Variants in SERPINB7 observed in about 807,000 individuals in gnomAD.
SERPINB7 encodes the protein serpin B7.
Under a neutral mutation model 37.4 loss-of-function variants are expected in SERPINB7, and 31 were observed. The ratio of observed to expected loss-of-function variants is 0.83; its 90% CI spans 0.62 to 1.12. SERPINB7 has a LOEUF of 1.12. SERPINB7 is among the 50% of genes most tolerant of loss of function. The pLI is 0.00. For synonymous variants in SERPINB7, 163 were observed against 166.1 expected (o/e 0.98, Z 0.14); for missense variants, 521 against 455.3 (o/e 1.14, Z -1.31).
intron 1 of SERPINB7, among the ~76,000 whole-genome samples, chr18:63,768,751 T>C (rs1214012304): frequency 6.6e-6 from 1 of 152,024 alleles, no homozygotes; most frequent in African/African-American, 2.4e-5. Flanking sequence ...CCACCATCAA[T>C]TCATAGAATG....
At chr18:63,784,869 T>C (rs995234363) in intron 2 of SERPINB7, among the ~76,000 whole-genome samples, 2 of 152,252 alleles carry the variant, frequency 1.3e-5, no homozygotes, top group African/African-American at 4.8e-5. Context: ...TTACCTACTG[T>C]GTGCTTTCAT....
intron 1 of SERPINB7, among the ~76,000 whole-genome samples, chr18:63,758,323 T>G (rs1330502482): frequency 1.3e-5 from 2 of 152,168 alleles, no homozygotes; most frequent in Admixed American, 1.3e-4. Context: ...ACAGATATCT[T>G]TTTCCTCAGA....
At chr18:63,788,228 G>T (rs184194383) in intron 2 of SERPINB7, among the ~76,000 whole-genome samples, 2 of 152,204 alleles carry the variant, frequency 1.3e-5, no homozygotes, top group African/African-American at 4.8e-5. Flanking sequence ...GGTGCCATGC[G>T]TGGTAATGCT....
At chr18:63,802,238 AAC>A (rs1335283563) in intron 7 of SERPINB7, among the ~76,000 whole-genome samples, 1 of 152,190 alleles carries the variant, frequency 6.6e-6, no homozygotes, top group Non-Finnish European at 1.5e-5. Context: ...GAAATGGACC[AAC>A]ACAGTGCAAT....
At chr18:63,786,210 G>GTATATA (rs143561199) in intron 2 of SERPINB7, among the ~76,000 whole-genome samples, 2,154 of 64,258 alleles carry the variant, frequency 0.034, 238 homozygotes, top group African/African-American at 0.11. Context: ...GCACATACGT[G>GTATATA]TATATATATA....
Position 63,801,618 on chromosome 18 carries a change from G to A in SERPINB7, c.744+606G>A, listed in dbSNP as rs556605951. Reference sequence around the variant, plus strand: ...GTTTTCAAGGATAGTTTGGTGGGCAGCGGTCTAGGGAATGAGCACTGTTGA... The same window carrying A: ...GTTTTCAAGGATAGTTTGGTGGGCAACGGTCTAGGGAATGAGCACTGTTGA... On this transcript the variant is annotated intron_variant, in intron 7 of 7. Transcript: ENST00000398019. Among the ~76,000 whole-genome samples the A allele has an allele frequency of 2.0e-5, 3 of 152,256 alleles. No individual in the cohort carries two copies. In the South Asian group the frequency reaches 6.2e-4, roughly 32 times the overall value.
chr18:63,791,570 C>T (rs1167670908), intron 2 of SERPINB7, among the ~76,000 whole-genome samples: 1 of 152,104 alleles, frequency 6.6e-6, no homozygotes, highest in Non-Finnish European at 1.5e-5. Flanking sequence ...CAGAAAGAGG[C>T]TTATTCATTC....
chr18:63,783,232 G>GAAAGAAAGAA (rs1555694190), intron 2 of SERPINB7, among the ~76,000 whole-genome samples: 44 of 40,704 alleles, frequency 1.1e-3, no homozygotes, highest in Admixed American at 1.5e-3. Flanking sequence ...GAGAGAGAGA[G>GAAAGAAAGAA]AGAAAGAAAG....
At chr18:63,760,508 A>G (rs12523355) in intron 1 of SERPINB7, among the ~76,000 whole-genome samples, 1 of 152,208 alleles carries the variant, frequency 6.6e-6, no homozygotes, top group African/African-American at 2.4e-5. Flanking sequence ...CATAAGTAGC[A>G]AGGAGCCTAA....
At chr18:63,778,413 T>C (rs116722669) in intron 1 of SERPINB7, among the ~76,000 whole-genome samples, 3,544 of 152,246 alleles carry the variant, frequency 0.023, 49 homozygotes, top group South Asian at 0.05. Context: ...TTCTTTCCTA[T>C]ATGTATATCC....
intron 1 of SERPINB7, among the ~76,000 whole-genome samples, chr18:63,761,925 C>G (rs533590533): frequency 6.6e-6 from 1 of 152,162 alleles, no homozygotes; most frequent in South Asian, 2.1e-4. Context: ...GCTGGGGCCA[C>G]CTCTCTGTCT....
chr18:63,784,373 CA>C (rs2144616590), intron 2 of SERPINB7, among the ~76,000 whole-genome samples: 1 of 152,244 alleles, frequency 6.6e-6, no homozygotes, highest in African/African-American at 2.4e-5. Flanking sequence ...TCATGACAAC[CA>C]AAAACATTTC....
In SERPINB7 at chr18:63,796,235, G is replaced by A. The variant is rs2144637728; in HGVS notation, c.337-31G>A. ...TTATATACTTAGTTGGTGATGATTT[G>A]TAAATACGAGAACTATATTCTTCTT... On this transcript the variant is annotated intron_variant, in intron 4 of 7. Transcript: ENST00000398019. 5 of 1,251,106 alleles carry A rather than the reference G, an allele frequency of 4.0e-6. 1 individual carries two copies. The highest frequency in any genetic ancestry group is 3.8e-5 in the South Asian group (3 of 78,738). The allele number at this position is 1,251,106 out of a possible 1,614,324, so 77.5% of individuals were successfully genotyped here.
rs567942704 is a variant in SERPINB7 at position 63,755,098 on chromosome 18, G to A, written c.-19+1978G>A. 9.4e-4 allele frequency among the ~76,000 whole-genome samples: 143 copies of A among 151,892 alleles called. 1 individual carries two copies. The highest frequency in any genetic ancestry group is 3.4e-3 in the African/African-American group (140 of 41,480). On this transcript the variant is annotated intron_variant, in intron 1 of 7. Transcript: ENST00000336429. The stretch of plus-strand genomic sequence containing the variant: ...GTATTTTTTTTTTAGTAGAGACGGG[G>A]TTTCACCTTGTTAGCCAGGATGGTC...
In SERPINB7 at chr18:63,804,320, T is replaced by C. The variant is rs1409248055; in HGVS notation, c.828T>C (p.Phe276=). 6.2e-7 allele frequency: 1 copy of C among 1,612,674 alleles called. No individual in the cohort carries two copies. The highest frequency in any genetic ancestry group is 8.5e-7 in the Non-Finnish European group (1 of 1,179,172). ...CCTCTAAGTATGTTGAGGTATTTTT[T>C]CCTCAGTTCAAGATAGAGAAGAATT... ...RMTSKYVEVF[F]PQFKIEKNYE... The change falls in exon 8 of 8, where the codon TTT becomes TTC. Residue 276 remains phenylalanine (F), a synonymous_variant. Coordinates refer to ENST00000398019, the MANE Select transcript of SERPINB7 (RefSeq NM_003784.4).
At chr18:63,789,205 T>G (rs891692264) in intron 2 of SERPINB7, among the ~76,000 whole-genome samples, 9 of 152,148 alleles carry the variant, frequency 5.9e-5, no homozygotes, top group African/African-American at 2.2e-4. Context: ...AGCGAGCTGG[T>G]CCCATCAACT....
At chr18:63,776,699 A>T (rs562616955) in intron 1 of SERPINB7, among the ~76,000 whole-genome samples, 1 of 150,858 alleles carries the variant, frequency 6.6e-6, no homozygotes, top group Non-Finnish European at 1.5e-5. Flanking sequence ...GTCCCAATGG[A>T]CGTCTAACAA....
At chr18:63,760,051 G>T (rs1477745921) in intron 1 of SERPINB7, among the ~76,000 whole-genome samples, 1 of 152,208 alleles carries the variant, frequency 6.6e-6, no homozygotes, top group Non-Finnish European at 1.5e-5. Flanking sequence ...ACAGGCAGAG[G>T]TTGGAATAGT....
intron 1 of SERPINB7, among the ~76,000 whole-genome samples, chr18:63,760,357 A>G (rs2049146460): frequency 6.6e-6 from 1 of 152,216 alleles, no homozygotes; most frequent in South Asian, 2.1e-4. Flanking sequence ...AGCATTCGAG[A>G]GGTGACTTGG....
Sources: allele counts gnomAD v4.1 joint callset (sites outside exome capture counted in the v4.1 genomes callset), GRCh38; gene constraint gnomAD v4.1.1; transcripts MANE v1.5; gene names NCBI Gene and HGNC (gene_info 2026-07-23, HGNC 2026-07-21).